Variants in FSD1L observed in about 807,000 individuals in gnomAD.
The protein encoded by FSD1L is FSD1-like protein.
A neutral mutation model predicts 71.6 loss-of-function variants in FSD1L; 45 were observed. The observed-to-expected ratio is 0.63, with a 90% confidence interval of 0.49 to 0.81. The LOEUF (loss-of-function observed/expected upper bound fraction) is 0.81, where lower values mean the gene tolerates loss of function less well. Ranked by LOEUF, FSD1L falls within the 30% of genes least tolerant of loss-of-function variation. The pLI is 0.00. For synonymous variants in FSD1L, 197 were observed against 207.2 expected (o/e 0.95, Z 0.42); for missense variants, 561 against 618.1 (o/e 0.91, Z 0.98).
chr9:105,521,424 C>A, intron 10 of FSD1L: 1 of 1,614,090 alleles, frequency 6.2e-7, no homozygotes, highest in African/African-American at 1.3e-5. Context: ...TGAAGAACAT[C>A]TCACAGACAT....
At chr9:105,462,475 C>T (rs1445011884) in intron 2 of FSD1L, among the ~76,000 whole-genome samples, 1 of 148,672 alleles carries the variant, frequency 6.7e-6, no homozygotes, top group Non-Finnish European at 1.5e-5. Context: ...CCCGCCTCAG[C>T]ATCCCAAAGT....
In FSD1L at chr9:105,549,120, A is replaced by G. The variant is rs1288634071; in HGVS notation, c.*2637A>G. 2 of 152,054 alleles carry G rather than the reference A, an allele frequency of 1.3e-5. No individual in the cohort carries two copies. Among genetic ancestry groups the G allele is most frequent in the African/African-American group, 4.8e-5 (2 of 41,448 alleles). 9.4% of individuals were successfully genotyped at this position (152,054 alleles called of 1,614,324 possible). ...TTGAAACATCTTTTGTTGCTTATTT[A>G]GTTTTTGTTTCTACAGGTCAAACAT... On this transcript the variant is annotated 3_prime_UTR_variant, in exon 14 of 14. Coordinates refer to ENST00000481272, the MANE Select transcript of FSD1L (RefSeq NM_001145313.3).
chr9:105,522,540 C>G, intron 10 of FSD1L: 2 of 1,613,620 alleles, frequency 1.2e-6, no homozygotes, highest in Middle Eastern at 3.3e-4. Context: ...TGCTCAAATA[C>G]TTCCCCGCTC....
intron 13 of FSD1L, among the ~76,000 whole-genome samples, chr9:105,541,333 G>C (rs1177248066): frequency 7.0e-6 from 1 of 143,114 alleles, no homozygotes; most frequent in South Asian, 2.2e-4. Flanking sequence ...GCCATATTAC[G>C]CATTTTTGGC....
At chr9:105,518,614 G>A (rs532384176) in intron 10 of FSD1L, among the ~76,000 whole-genome samples, 43 of 152,266 alleles carry the variant, frequency 2.8e-4, no homozygotes, top group Non-Finnish European at 5.4e-4. Context: ...TGAAACCAAT[G>A]AGAACAAAGA....
In FSD1L at chr9:105,550,172, A is replaced by G. The variant is rs1837209962; in HGVS notation, c.*3689A>G. The G allele has an allele frequency of 6.6e-6, 1 of 152,008 alleles. No individual in the cohort carries two copies. The highest frequency in any genetic ancestry group is 2.1e-4 in the South Asian group (1 of 4,832). 9.4% of individuals were successfully genotyped at this position (152,008 alleles called of 1,614,324 possible). A position where few individuals can be genotyped will look rare whatever the true frequency, so the allele number is the denominator to read the frequency against. ...GCATAGAGTTTTGCAGCTTTTGAGT[A>G]GTGTGACAGAGTTTGCCTCTTAAAA... On this transcript the variant is annotated 3_prime_UTR_variant, in exon 14 of 14. Transcript: ENST00000481272.
intron 13 of FSD1L, among the ~76,000 whole-genome samples, chr9:105,545,390 C>T (rs1836926401): frequency 6.8e-6 from 1 of 146,246 alleles, no homozygotes; most frequent in Non-Finnish European, 1.5e-5. Flanking sequence ...TTGACTTCCT[C>T]TTTTCCTAAC....
intron 4 of FSD1L, among the ~76,000 whole-genome samples, chr9:105,469,340 T>C (rs1218485182): frequency 1.3e-5 from 2 of 151,212 alleles, no homozygotes; most frequent in Admixed American, 1.3e-4. Context: ...CTGAGGACCC[T>C]CTATATAATG....
intron 7 of FSD1L, among the ~76,000 whole-genome samples, chr9:105,501,733 C>T (rs1833776217): frequency 6.6e-6 from 1 of 152,028 alleles, no homozygotes; most frequent in African/African-American, 2.4e-5. Flanking sequence ...TGCACCCAGC[C>T]ATCATTTCCG....
intron 7 of FSD1L, 48 bp downstream of exon 7, chr9:105,484,550 TC>T: frequency 7.7e-7 from 1 of 1,298,782 alleles, no homozygotes; most frequent in Non-Finnish European, 1.0e-6. Flanking sequence ...CTTTTTTTTT[TC>T]TACAAGATTT....
chr9:105,523,631 T>A, intron 10 of FSD1L: 1 of 1,609,832 alleles, frequency 6.2e-7, no homozygotes, highest in Non-Finnish European at 8.5e-7. Context: ...CACTGAGAAT[T>A]CTTACACCTT....
upstream of FSD1L, among the ~76,000 whole-genome samples, chr9:105,446,270 C>G (rs1829643818): frequency 1.3e-5 from 2 of 152,198 alleles, no homozygotes; most frequent in Admixed American, 6.5e-5. Context: ...TTGTACAATT[C>G]CTCTTCTCAC....
chr9:105,517,321 A>C (rs1211531464), intron 10 of FSD1L, among the ~76,000 whole-genome samples: 1 of 152,178 alleles, frequency 6.6e-6, no homozygotes, highest in African/African-American at 2.4e-5. Flanking sequence ...AGAAATACAG[A>C]GAGCACCACA....
In FSD1L at chr9:105,546,700, T is replaced by C. The variant is rs1837027312; in HGVS notation, c.*217T>C. On this transcript the variant is annotated 3_prime_UTR_variant, in exon 14 of 14. Transcript: ENST00000481272. ...CAGATACCAAGCAAAAAACTGATGATTGAAGAGTAAATGGGGGAAAAGGCA... is the reference window on the plus strand; with the variant it reads ...CAGATACCAAGCAAAAAACTGATGACTGAAGAGTAAATGGGGGAAAAGGCA... 2 of 338,870 alleles carry C rather than the reference T, an allele frequency of 5.9e-6. No homozygotes were observed. The highest frequency in any genetic ancestry group is 4.6e-5 in the East Asian group (1 of 21,668). 21.0% of individuals were successfully genotyped at this position (338,870 alleles called of 1,614,324 possible). A position where few individuals can be genotyped will look rare whatever the true frequency, so the allele number is the denominator to read the frequency against.
chr9:105,455,404 A>C (rs540381762), intron 1 of FSD1L, among the ~76,000 whole-genome samples: 1 of 152,216 alleles, frequency 6.6e-6, no homozygotes, highest in Non-Finnish European at 1.5e-5. Context: ...GGGGTTCAGC[A>C]TGAAGTCACC....
intron 6 of FSD1L, 24 bp from the exon 7 acceptor site, chr9:105,484,357 A>G (rs1377057884): frequency 7.0e-7 from 1 of 1,429,778 alleles, no homozygotes; most frequent in Non-Finnish European, 9.2e-7. Context: ...TTTATTTTAA[A>G]AAGTATGTTT....
intron 8 of FSD1L, among the ~76,000 whole-genome samples, chr9:105,507,475 T>A (rs1834124287): frequency 6.6e-6 from 1 of 152,196 alleles, no homozygotes; most frequent in African/African-American, 2.4e-5. Flanking sequence ...TACATCTCAT[T>A]TATCTTTACA....
At chr9:105,464,126 A>G in intron 2 of FSD1L, 110 bp from the exon 3 acceptor site, 2 of 626,306 alleles carry the variant, frequency 3.2e-6, no homozygotes, top group Admixed American at 3.4e-5. Context: ...CATTGCTCCT[A>G]TTTGTTATAC....
intron 8 of FSD1L, among the ~76,000 whole-genome samples, chr9:105,507,549 T>C (rs1470898713): frequency 1.3e-5 from 2 of 152,242 alleles, no homozygotes; most frequent in Non-Finnish European, 2.9e-5. Context: ...GGTCAAGTTG[T>C]TGACGGTCCC....
Sources: allele counts gnomAD v4.1 joint callset (sites outside exome capture counted in the v4.1 genomes callset), GRCh38; gene constraint gnomAD v4.1.1; transcripts MANE v1.5; gene names NCBI Gene and HGNC (gene_info 2026-07-23, HGNC 2026-07-21).